IGF2R: variants seen among roughly 807,000 people sequenced by gnomAD.
IGF2R encodes the protein insulin like growth factor 2 receptor, also known as cation-independent mannose-6-phosphate receptor.
Under a neutral mutation model 270.6 loss-of-function variants are expected in IGF2R, and 91 were observed. The ratio of observed to expected loss-of-function variants is 0.34; its 90% CI spans 0.28 to 0.40. The LOEUF is 0.40. IGF2R is among the 10% of genes least tolerant of loss of function. The pLI, the probability that IGF2R is intolerant of heterozygous loss-of-function variation, is 1.00. For missense variants in IGF2R, 2,805 were observed against 3,188.3 expected (o/e 0.88, Z 2.90); for synonymous variants, 1,316 against 1,258.9 (o/e 1.05, Z -0.96).
chr6:160,039,399 C>T (rs933865333), intron 10 of IGF2R, among the ~76,000 whole-genome samples: 10 of 152,178 alleles, frequency 6.6e-5, no homozygotes, highest in Non-Finnish European at 1.2e-4. Context: ...TTATGCAGCA[C>T]GTAACTGTAT....
rs201699000 is a variant in IGF2R at position 160,103,748 on chromosome 6, A to C, written c.6998A>C (p.Glu2333Ala). The C allele has an allele frequency of 6.2e-7, 1 of 1,606,558 alleles. No homozygotes were observed. The highest frequency in any genetic ancestry group is 1.3e-5 in the African/African-American group (1 of 74,788). The change falls in exon 47 of 48, where the codon GAA becomes GCA. Residue 2333 changes from glutamate (E) to alanine (A), a missense_variant and splice_region_variant. Glu to Ala is a moderately radical substitution (Grantham distance 107). Transcript: ENST00000356956. ...TATTGTCTCCTTTTTTTTTATAGGG[A>C]AACAGTGATAAGTAAGCTGACCACT... is the stretch of plus-strand genomic sequence containing the variant. Reference protein sequence around the residue: ...ALLLYKKERRETVISKLTTCC... With the variant: ...ALLLYKKERRATVISKLTTCC...
chr6:159,994,643 CTATT>C (rs1156388699), intron 2 of IGF2R, among the ~76,000 whole-genome samples: 1 of 151,986 alleles, frequency 6.6e-6, no homozygotes, highest in Non-Finnish European at 1.5e-5. Flanking sequence ...CATTGTGTCT[CTATT>C]TATATTCATT....
chr6:160,075,739 C>A, intron 35 of IGF2R, 108 bp from the exon 36 acceptor site: 1 of 1,132,778 alleles, frequency 8.8e-7, no homozygotes, highest in Non-Finnish European at 1.3e-6. Flanking sequence ...TGCTCATTCT[C>A]AGAACCTATG....
Position 160,045,791 on chromosome 6 carries a change from T to A in IGF2R, c.1812T>A (p.Gly604=), listed in dbSNP as rs1248807787. The change falls in exon 14 of 48, where the codon GGT becomes GGA. Residue 604 remains glycine, a synonymous_variant. Coordinates refer to ENST00000356956, the MANE Select transcript of IGF2R (RefSeq NM_000876.4). ...TGTTGAGAACTTCTGGGGAAGGCGG[T>A]TGCTTTTATGAGTTTGAGTGGCACA... ...APVLRTSGEG[G]CFYEFEWHTA... The A allele has an allele frequency of 2.5e-6, 4 of 1,614,010 alleles. No homozygotes were observed. In the East Asian group the frequency reaches 8.9e-5, roughly 36 times the overall value.
chr6:160,096,699 T>C, intron 45 of IGF2R, 74 bp downstream of exon 45: 2 of 1,227,710 alleles, frequency 1.6e-6, no homozygotes, highest in Non-Finnish European at 2.3e-6. Context: ...GTGTGTTTTT[T>C]CCCCAATGTT....
At position 160,061,216 on chromosome 6, in the gene IGF2R, G is replaced by C. The variant is rs1294775638; in HGVS notation, c.3263-287G>C. Among the ~76,000 whole-genome samples the C allele has an allele frequency of 2.0e-5, 3 of 152,104 alleles. No homozygotes were observed. The East Asian group carries it at 5.8e-4, about 29-fold the overall frequency. On this transcript the variant is annotated intron_variant, in intron 23 of 47. Coordinates refer to ENST00000356956, the MANE Select transcript of IGF2R (RefSeq NM_000876.4). ...AGAGTCTTTAGGGACTCACTATGTT[G>C]CCCAGGCTGGCCTTGAACTCCTGGT...
intron 10 of IGF2R, among the ~76,000 whole-genome samples, chr6:160,039,865 C>T (rs1227167771): frequency 6.6e-6 from 1 of 152,110 alleles, no homozygotes; most frequent in South Asian, 2.1e-4. Flanking sequence ...TAGGCCTGAA[C>T]TATTCCTGCT....
At position 160,048,360 on chromosome 6, in the gene IGF2R, G is replaced by T. The variant is rs1354752066; in HGVS notation, c.2346-15G>T. The T allele has an allele frequency of 6.2e-7, 1 of 1,613,090 alleles. No individual in the cohort carries two copies. The highest frequency in any genetic ancestry group is 8.5e-7 in the Non-Finnish European group (1 of 1,179,068). On this transcript the variant is annotated splice_polypyrimidine_tract_variant and intron_variant, in intron 17 of 47. Transcript: ENST00000356956. Reference sequence around the variant, plus strand: ...AGCTCTTTAAAAGCATATACATTTTGCTTTGAAATTTTAGTCTGGCAAAAT... The same window carrying T: ...AGCTCTTTAAAAGCATATACATTTTTCTTTGAAATTTTAGTCTGGCAAAAT...
At chr6:160,022,594 A>C (rs913573222) in intron 4 of IGF2R, among the ~76,000 whole-genome samples, 1 of 152,220 alleles carries the variant, frequency 6.6e-6, no homozygotes, top group Non-Finnish European at 1.5e-5. Context: ...ATATAGAACA[A>C]ATATTTACTG....
chr6:160,105,688 A>G lies in IGF2R; in HGVS notation c.*604A>G, dbSNP rs1471064306. 6.6e-6 allele frequency: 1 copy of G among 152,434 alleles called. No homozygotes were observed. The highest frequency in any genetic ancestry group is 2.4e-5 in the African/African-American group (1 of 41,084). 9.4% of individuals were successfully genotyped at this position (152,434 alleles called of 1,614,324 possible). ...TTTTCTCTTTTGCTTTCTGTTTCTT[A>G]AGGGCACACACACGTGCGTGCGAGC... On this transcript the variant is annotated 3_prime_UTR_variant, in exon 48 of 48. Transcript: ENST00000356956.
chr6:160,016,195 C>T (rs1052215123), intron 4 of IGF2R, among the ~76,000 whole-genome samples: 2 of 152,208 alleles, frequency 1.3e-5, no homozygotes, highest in African/African-American at 4.8e-5. Context: ...GTGGGTCCTG[C>T]TATTGCCTGC....
chr6:160,093,541 G>A (rs1779279021), intron 44 of IGF2R: 1 of 624,110 alleles, frequency 1.6e-6, no homozygotes, highest in Non-Finnish European at 3.0e-6. Context: ...CTGGACAAAG[G>A]AGAGAACAGG....
intron 1 of IGF2R, among the ~76,000 whole-genome samples, chr6:159,975,621 CTG>C (rs1164729323): frequency 1.2e-4 from 18 of 149,898 alleles, no homozygotes; most frequent in Non-Finnish European, 2.2e-4. Flanking sequence ...AATACTAGGA[CTG>C]TGGAAGTTGG....
At position 160,032,991 on chromosome 6, in the gene IGF2R, C is replaced by T. The variant is rs774007666; in HGVS notation, c.1095C>T (p.Val365=). 1.9e-6 allele frequency: 3 copies of T among 1,603,114 alleles called. No homozygotes were observed. The highest frequency in any genetic ancestry group is 4.5e-5 in the East Asian group (2 of 44,786). The change falls in exon 9 of 48, where the codon GTC becomes GTT. Residue 365 remains valine, a synonymous_variant. Coordinates refer to ENST00000356956, the MANE Select transcript of IGF2R (RefSeq NM_000876.4). Reference sequence around the variant, plus strand: ...AAGAATATTTGTTTTATTTGAATGTCTGTGGAGAAACTGAAATACAGTTCT... The same window carrying T: ...AAGAATATTTGTTTTATTTGAATGTTTGTGGAGAAACTGAAATACAGTTCT... ...DGKEYLFYLN[V]CGETEIQFCN...
intron 19 of IGF2R, among the ~76,000 whole-genome samples, chr6:160,054,437 G>T (rs1778266046): frequency 6.6e-6 from 1 of 152,176 alleles, no homozygotes; most frequent in Non-Finnish European, 1.5e-5. Flanking sequence ...GGGAGTTGTG[G>T]TCTCTTATCA....
At chr6:159,994,510 T>C (rs527918865) in intron 2 of IGF2R, among the ~76,000 whole-genome samples, 39 of 152,256 alleles carry the variant, frequency 2.6e-4, no homozygotes, top group African/African-American at 8.9e-4. Context: ...TGTTCTTTTT[T>C]TTTTCTAGTG....
At chr6:160,065,292 A>G (rs1778543859) in intron 29 of IGF2R, among the ~76,000 whole-genome samples, 1 of 152,168 alleles carries the variant, frequency 6.6e-6, no homozygotes, top group African/African-American at 2.4e-5. Flanking sequence ...CTGGGGTCCC[A>G]TCCTTAGAGA....
intron 29 of IGF2R, 95 bp from the exon 30 acceptor site, chr6:160,068,154 C>G (rs1369331656): frequency 7.0e-7 from 1 of 1,435,442 alleles, no homozygotes; most frequent in Non-Finnish European, 9.6e-7. Context: ...CAGGCTTAGA[C>G]TATGCCTGAA....
Position 160,102,710 on chromosome 6 carries a change from A to C in IGF2R, c.6995+39A>C, listed in dbSNP as rs1188607414. On this transcript the variant is annotated intron_variant, in intron 46 of 47. Coordinates refer to ENST00000356956, the MANE Select transcript of IGF2R (RefSeq NM_000876.4). This position sits in a 1 kb window ranked among gnomAD's most constrained non-coding sequence, Gnocchi z 4.5. ...AGGGCGAGGTGGGGCGGGTGGATGC[A>C]TGCCTCCCATAGCTAATCTTGGGGT... The C allele has an allele frequency of 6.5e-7, 1 of 1,550,044 alleles. No individual in the cohort carries two copies. The highest frequency in any genetic ancestry group is 2.4e-5 in the East Asian group (1 of 41,770).
Sources: allele counts gnomAD v4.1 joint callset (sites outside exome capture counted in the v4.1 genomes callset), GRCh38; gene constraint gnomAD v4.1.1; non-coding constraint Gnocchi (gnomAD v3.1); transcripts MANE v1.5; gene names NCBI Gene and HGNC (gene_info 2026-07-23, HGNC 2026-07-21).